Variants in ANO2 observed in about 807,000 individuals in gnomAD.
ANO2 encodes anoctamin-2.
Under a neutral mutation model 124.2 loss-of-function variants are expected in ANO2, and 101 were observed. The observed-to-expected ratio is 0.81, with a 90% CI of 0.69 to 0.96. The LOEUF (loss-of-function observed/expected upper bound fraction) is 0.96. ANO2 is among the 40% of genes least tolerant of loss of function. ANO2 has a pLI of 0.00. For missense variants in ANO2, 1,293 were observed against 1,274.5 expected (o/e 1.01, Z -0.22); for synonymous variants, 486 against 482.5 (o/e 1.01, Z -0.09).
chr12:5,704,281 G>A (rs1025395942), intron 14 of ANO2, among the ~76,000 whole-genome samples: 2 of 152,180 alleles, frequency 1.3e-5, no homozygotes, highest in Non-Finnish European at 2.9e-5. Context: ...ATATCTATTA[G>A]AATCTGCATC....
chr12:5,589,099 G>A (rs17787480), intron 20 of ANO2, among the ~76,000 whole-genome samples: 1,712 of 152,272 alleles, frequency 0.011, 66 homozygotes, highest in Admixed American at 0.064. Flanking sequence ...GGTGACTGCC[G>A]CCAAGTCTTA....
At chr12:5,728,230 T>C (rs1485498455) in intron 14 of ANO2, among the ~76,000 whole-genome samples, 1 of 152,156 alleles carries the variant, frequency 6.6e-6, no homozygotes, top group Non-Finnish European at 1.5e-5. Context: ...TATTCACAGA[T>C]AACATGATCT....
Position 5,799,586 on chromosome 12 carries a change from T to C in ANO2, c.991-15A>G, listed in dbSNP as rs182724055. ...TGATATAGCAGCTAAACAAAGAAAA[T>C]AAGGAAACAGGTTAGAGGTAGAGAT... On this transcript the variant is annotated splice_polypyrimidine_tract_variant and intron_variant, in intron 9 of 24. Transcript: ENST00000682330. 251 of 1,612,470 alleles carry C rather than the reference T, an allele frequency of 1.6e-4. No individual in the cohort carries two copies. The African/African-American group carries it at 2.7e-3, about 17-fold the overall frequency.
intron 3 of ANO2, among the ~76,000 whole-genome samples, chr12:5,919,297 C>G (rs61100406): frequency 0.15 from 22,075 of 148,860 alleles, 1,913 homozygotes; most frequent in South Asian, 0.2. Flanking sequence ...GCCCAAAGCA[C>G]AGAGGGCAAC....
chr12:5,715,723 T>C (rs568946753), intron 14 of ANO2, among the ~76,000 whole-genome samples: 2 of 152,324 alleles, frequency 1.3e-5, no homozygotes, highest in South Asian at 2.1e-4. Context: ...TGGTGATGTG[T>C]TGAGGGTCAT....
chr12:5,814,388 AT>A (rs1400272089), intron 7 of ANO2, among the ~76,000 whole-genome samples: 2 of 152,070 alleles, frequency 1.3e-5, no homozygotes, highest in Non-Finnish European at 2.9e-5. Context: ...CTTCTGTGTT[AT>A]TTGCTTTCCT....
chr12:5,902,022 A>G (rs915148628), intron 3 of ANO2, among the ~76,000 whole-genome samples: 2 of 152,208 alleles, frequency 1.3e-5, no homozygotes, highest in African/African-American at 4.8e-5. Context: ...ATACTGCATG[A>G]GCGAGCAAAA....
chr12:5,719,419 A>C (rs1950140038), intron 14 of ANO2, among the ~76,000 whole-genome samples: 1 of 152,166 alleles, frequency 6.6e-6, no homozygotes, highest in South Asian at 2.1e-4. Context: ...TGAAGAATTC[A>C]TATGTTGGAA....
intron 10 of ANO2, among the ~76,000 whole-genome samples, chr12:5,758,737 C>A (rs1320498458): frequency 2.0e-5 from 3 of 152,200 alleles, no homozygotes; most frequent in African/African-American, 7.2e-5. Context: ...CAACTCTCCT[C>A]ACTACTGACC....
At chr12:5,842,604 C>T (rs1274491551) in intron 4 of ANO2, among the ~76,000 whole-genome samples, 2 of 152,182 alleles carry the variant, frequency 1.3e-5, no homozygotes, top group Admixed American at 6.5e-5. Context: ...CTCACTCTTT[C>T]GTTCGCTACC....
chr12:5,775,864 G>T (rs191004983), intron 10 of ANO2, among the ~76,000 whole-genome samples: 1 of 152,268 alleles, frequency 6.6e-6, no homozygotes, highest in East Asian at 1.9e-4. Flanking sequence ...ACCAACTACA[G>T]TTTTTGCTGT....
intron 3 of ANO2, among the ~76,000 whole-genome samples, chr12:5,889,179 G>A (rs57327282): frequency 0.2 from 30,898 of 152,062 alleles, 3,249 homozygotes; most frequent in Middle Eastern, 0.28. Context: ...CCCAGAACTC[G>A]CGCTGGCCCC....
chr12:5,925,655 A>T lies in ANO2; in HGVS notation c.23-2851T>A, dbSNP rs1329946614. Among the ~76,000 whole-genome samples, 1 of 152,220 alleles carries T rather than the reference A, an allele frequency of 6.6e-6. No homozygotes were observed. The highest frequency in any genetic ancestry group is 1.9e-4 in the East Asian group (1 of 5,200). The stretch of plus-strand genomic sequence containing the variant: ...GGTGAATGAGGTCAATTAGAAGGAA[A>T]GGCCATCGTACACAGCCCGTGGAAC... On this transcript the variant is annotated intron_variant, in intron 1 of 24. Transcript: ENST00000682330. This position sits in a 1 kb window ranked among gnomAD's most constrained non-coding sequence, Gnocchi z 4.6.
intron 4 of ANO2, among the ~76,000 whole-genome samples, chr12:5,853,437 G>T (rs1016272494): frequency 6.6e-6 from 1 of 151,906 alleles, no homozygotes; most frequent in East Asian, 1.9e-4. Context: ...ACACTGATGA[G>T]AACGTCATTC....
chr12:5,563,271 T>G lies in ANO2; in HGVS notation c.*28A>C. Reference sequence around the variant, plus strand: ...GTGCATGTGCGTGTCTCTGCTGCCGTGCCCTCCTCTGCTGCAGGCTGAACT... The same window carrying G: ...GTGCATGTGCGTGTCTCTGCTGCCGGGCCCTCCTCTGCTGCAGGCTGAACT... On this transcript the variant is annotated 3_prime_UTR_variant, in exon 25 of 25. Transcript: ENST00000682330. 1 of 1,580,812 alleles carries G rather than the reference T, an allele frequency of 6.3e-7. No homozygotes were observed. The highest frequency in any genetic ancestry group is 2.3e-5 in the East Asian group (1 of 43,828).
chr12:5,679,720 A>G (rs962447668), intron 14 of ANO2, among the ~76,000 whole-genome samples: 1 of 152,230 alleles, frequency 6.6e-6, no homozygotes, highest in African/African-American at 2.4e-5. Flanking sequence ...GTTGTGGAAG[A>G]CAGCGTGGTG....
At chr12:5,788,312 G>A (rs778512781) in intron 10 of ANO2, among the ~76,000 whole-genome samples, 11 of 152,132 alleles carry the variant, frequency 7.2e-5, no homozygotes, top group East Asian at 1.9e-4. Flanking sequence ...GCTGACCTTC[G>A]GATGGTTTGT....
At chr12:5,877,775 G>A (rs1938207879) in intron 3 of ANO2, among the ~76,000 whole-genome samples, 1 of 152,178 alleles carries the variant, frequency 6.6e-6, no homozygotes, top group Non-Finnish European at 1.5e-5. Flanking sequence ...AGATCTTCAG[G>A]CATTAGTTAA....
chr12:5,829,443 A>C (rs1424553213), intron 6 of ANO2, among the ~76,000 whole-genome samples: 3 of 152,194 alleles, frequency 2.0e-5, no homozygotes, highest in African/African-American at 7.2e-5. Flanking sequence ...CCTGCAAGTA[A>C]GAGTTAACGC....
Sources: allele counts gnomAD v4.1 joint callset (sites outside exome capture counted in the v4.1 genomes callset), GRCh38; gene constraint gnomAD v4.1.1; non-coding constraint Gnocchi (gnomAD v3.1); transcripts MANE v1.5; gene names NCBI Gene and HGNC (gene_info 2026-07-23, HGNC 2026-07-21).